The following ITGA2 variants were observed in gnomAD, a reference collection of about 807,000 sequenced individuals.
ITGA2 encodes the protein integrin subunit alpha 2.
Under a neutral mutation model 146.3 loss-of-function variants are expected in ITGA2, and 101 were observed. The ratio of observed to expected loss-of-function variants is 0.69; its 90% CI spans 0.59 to 0.81. The LOEUF is 0.81. Among genes scored for constraint, ITGA2 ranks in the 40% least tolerant of loss-of-function variants. The pLI, the probability that ITGA2 is intolerant of heterozygous loss-of-function variation, is 0.00. For synonymous variants in ITGA2, 477 were observed against 487.1 expected (o/e 0.98, Z 0.27); for missense variants, 1,281 against 1,402.7 (o/e 0.91, Z 1.39).
At chr5:53,075,360 T>G (rs1388362149) in intron 23 of ITGA2, 56 bp downstream of exon 23, 3 of 1,433,310 alleles carry the variant, frequency 2.1e-6, no homozygotes, top group Non-Finnish European at 2.9e-6. Context: ...GATCAGAAGA[T>G]TTTTGGCTCA....
In ITGA2 at chr5:53,091,493, C is replaced by T. The variant is rs1109526; in HGVS notation, c.*894C>T. The T allele has an allele frequency of 0.74, 112,508 of 152,086 alleles. 42,011 individuals are homozygous for T. The highest frequency in any genetic ancestry group is 0.79 in the African/African-American group (32,802 of 41,466). The allele number at this position is 152,086 out of a possible 1,614,324, so 9.4% of individuals were successfully genotyped here. A position where few individuals can be genotyped will look rare whatever the true frequency, so the allele number is the denominator to read the frequency against. On this transcript the variant is annotated 3_prime_UTR_variant, in exon 30 of 30. Transcript: ENST00000296585. ...TGACTGGCAGTAACCTAGTGAATTT[C>T]TGAAAGATGAGTAATTTCTTTGGCA...
At position 53,085,061 on chromosome 5, in the gene ITGA2, T is replaced by C. The variant is rs368938537; in HGVS notation, c.3258+1608T>C. 4.6e-5 allele frequency among the ~76,000 whole-genome samples: 7 copies of C among 152,346 alleles called. No homozygotes were observed. In the East Asian group the frequency reaches 7.7e-4, roughly 17 times the overall value. ...TACAAGGATTGTGTCAAGTCCTACA[T>C]ATCTTCCTCCTTCATGAAAAGTCAA... On this transcript the variant is annotated intron_variant, in intron 27 of 29. Coordinates refer to ENST00000296585, the MANE Select transcript of ITGA2 (RefSeq NM_002203.4).
chr5:53,090,996 A>T lies in ITGA2; in HGVS notation c.*397A>T, dbSNP rs112997326. On this transcript the variant is annotated 3_prime_UTR_variant, in exon 30 of 30. Transcript: ENST00000296585. Reference sequence around the variant, plus strand: ...GTTCTCTTTAAAATATTTGTCTTTAAACAGCAACTACAGAAGTGGAAGTGC... The same window carrying T: ...GTTCTCTTTAAAATATTTGTCTTTATACAGCAACTACAGAAGTGGAAGTGC... 2.2e-6 allele frequency: 1 copy of T among 451,646 alleles called. No individual in the cohort carries two copies. The highest frequency in any genetic ancestry group is 2.0e-5 in the African/African-American group (1 of 50,364). The allele number at this position is 451,646 out of a possible 1,614,324, so 28.0% of individuals were successfully genotyped here.
At chr5:53,014,956 T>C (rs1181584630) in intron 1 of ITGA2, among the ~76,000 whole-genome samples, 1 of 152,142 alleles carries the variant, frequency 6.6e-6, no homozygotes, top group African/African-American at 2.4e-5. Flanking sequence ...CCTTTGTCAT[T>C]TCTGATTGTG....
At chr5:53,036,523 T>G (rs1743500446) in intron 2 of ITGA2, among the ~76,000 whole-genome samples, 1 of 152,066 alleles carries the variant, frequency 6.6e-6, no homozygotes, top group Non-Finnish European at 1.5e-5. Context: ...GCCACTAGAG[T>G]CTTAAGGTTT....
chr5:53,043,194 C>A lies in ITGA2; in HGVS notation c.295+973C>A, dbSNP rs546095798. On this transcript the variant is annotated intron_variant, in intron 3 of 29. Coordinates refer to ENST00000296585, the MANE Select transcript of ITGA2 (RefSeq NM_002203.4). ...GTGATCTCCAAATTTTTTGAACACTCAGTATATATATATATATATTTCTAA... is the reference window on the plus strand; with the variant it reads ...GTGATCTCCAAATTTTTTGAACACTAAGTATATATATATATATATTTCTAA... 1.1e-4 allele frequency among the ~76,000 whole-genome samples: 16 copies of A among 151,198 alleles called. 1 individual carries two copies. The highest frequency in any genetic ancestry group is 3.6e-4 in the African/African-American group (15 of 41,262).
intron 1 of ITGA2, among the ~76,000 whole-genome samples, chr5:53,007,511 GA>G (rs1741915791): frequency 6.7e-6 from 1 of 149,850 alleles, no homozygotes; most frequent in Admixed American, 6.6e-5. Flanking sequence ...CGGGGAGAGA[GA>G]GAGAAAAAAA....
intron 1 of ITGA2, among the ~76,000 whole-genome samples, chr5:52,993,110 A>G (rs1322414370): frequency 6.6e-5 from 10 of 152,180 alleles, no homozygotes; most frequent in Admixed American, 1.3e-4. Context: ...GTCAATCCCA[A>G]GCAAAATTAT....
chr5:53,084,808 C>T (rs1014752812), intron 27 of ITGA2, among the ~76,000 whole-genome samples: 1 of 152,130 alleles, frequency 6.6e-6, no homozygotes, highest in Non-Finnish European at 1.5e-5. Flanking sequence ...TGTTGCACAT[C>T]AAAATGCACA....
intron 2 of ITGA2, among the ~76,000 whole-genome samples, chr5:53,039,584 A>G (rs2111874018): frequency 6.6e-6 from 1 of 151,888 alleles, no homozygotes; most frequent in South Asian, 2.1e-4. Context: ...TACTAAAAAT[A>G]CAAAAATTAG....
intron 1 of ITGA2, among the ~76,000 whole-genome samples, chr5:53,001,848 G>C (rs1278238877): frequency 2.1e-5 from 3 of 145,746 alleles, no homozygotes; most frequent in Non-Finnish European, 4.5e-5. Flanking sequence ...TGATCCAACT[G>C]TCTGCCTGAG....
intron 1 of ITGA2, among the ~76,000 whole-genome samples, chr5:52,996,734 T>C (rs1423316500): frequency 6.6e-6 from 1 of 152,238 alleles, no homozygotes; most frequent in Admixed American, 6.5e-5. Context: ...ATAATTAATA[T>C]CAGTGCGTTA....
chr5:53,045,444 G>T (rs574364870), intron 4 of ITGA2, among the ~76,000 whole-genome samples: 1 of 152,298 alleles, frequency 6.6e-6, no homozygotes. Context: ...AAGCTAAAAA[G>T]TATTTTTGGT....
At chr5:53,023,738 G>A (rs1451424654) in intron 1 of ITGA2, among the ~76,000 whole-genome samples, 1 of 152,086 alleles carries the variant, frequency 6.6e-6, no homozygotes, top group Admixed American at 6.6e-5. Context: ...TGAACTATGA[G>A]GACAGACATC....
At chr5:53,078,718 CT>C (rs1745771578) in intron 23 of ITGA2, 53 bp from the exon 24 acceptor site, 1 of 1,026,784 alleles carries the variant, frequency 9.7e-7, no homozygotes, top group Non-Finnish European at 1.5e-6. Context: ...AAATATTAAC[CT>C]TCAAGAACAA....
intron 1 of ITGA2, among the ~76,000 whole-genome samples, chr5:53,019,653 G>A (rs547524375): frequency 2.6e-5 from 4 of 152,180 alleles, no homozygotes; most frequent in African/African-American, 4.8e-5. Flanking sequence ...ACCCTGCCAT[G>A]TAGCTGGGAG....
chr5:53,045,012 A>G lies in ITGA2; in HGVS notation c.307A>G (p.Ile103Val), dbSNP rs932405437. The change falls in exon 4 of 30, where the codon ATT becomes GTT. Residue 103 changes from isoleucine (I) to valine (V), a missense_variant. This residue lies in a region of ITGA2 where 795 missense variants were observed against 841.7 expected (regional missense o/e 0.94). Coordinates refer to ENST00000296585, the MANE Select transcript of ITGA2 (RefSeq NM_002203.4). Reference protein sequence around the residue: ...EKLNLQTSTSIPNVTEMKTNM... With the variant: ...EKLNLQTSTSVPNVTEMKTNM... ...TTTCCCTTTGAAAGCTTCAACAAGC[A>G]TTCCAAATGTTACTGAGATGAAAAC... 13 of 1,612,930 alleles carry G rather than the reference A, an allele frequency of 8.1e-6. No individual in the cohort carries two copies. Among genetic ancestry groups the G allele is most frequent in the African/African-American group, 1.3e-5 (1 of 74,906 alleles).
intron 1 of ITGA2, among the ~76,000 whole-genome samples, chr5:53,012,741 C>A (rs542416369): frequency 1.3e-5 from 2 of 152,238 alleles, no homozygotes; most frequent in South Asian, 4.1e-4. Flanking sequence ...GATCCCTTTT[C>A]TCTACAACCT....
intron 1 of ITGA2, among the ~76,000 whole-genome samples, chr5:53,000,851 G>A (rs1741540249): frequency 7.0e-6 from 1 of 143,178 alleles, no homozygotes; most frequent in Non-Finnish European, 1.5e-5. Context: ...AGGCTTGGGT[G>A]ATATTTTTCT....
Sources: gnomAD v4.1 joint callset for allele counts (sites outside exome capture counted in the v4.1 genomes callset) on GRCh38, gnomAD v4.1.1 for gene constraint, gnomAD v4.1.1 regional missense constraint, MANE v1.5 for transcripts, NCBI Gene and HGNC (gene_info 2026-07-23, HGNC 2026-07-21) for gene names.